TMEM175: variants seen among roughly 807,000 people sequenced by gnomAD.
TMEM175 encodes the protein endosomal/lysosomal proton channel TMEM175.
TMEM175 carries 36 observed loss-of-function variants against 36.5 expected under a neutral mutation model. That is an observed-to-expected ratio of 0.99 (90% confidence interval 0.76 to 1.30). The LOEUF (loss-of-function observed/expected upper bound fraction) is 1.30, where lower values mean the gene tolerates loss of function less well. Among genes scored for constraint, TMEM175 ranks in the 50% most tolerant of loss-of-function variants. TMEM175 has a pLI of 0.00. For synonymous variants in TMEM175, 339 were observed against 313.4 expected (o/e 1.08, Z -0.86); for missense variants, 705 against 692.8 (o/e 1.02, Z -0.20).
chr4:955,782 T>C lies in TMEM175; in HGVS notation c.734T>C (p.Val245Ala). 6.2e-7 allele frequency: 1 copy of C among 1,613,564 alleles called. No homozygotes were observed. Among genetic ancestry groups the C allele is most frequent in the African/African-American group, 1.3e-5 (1 of 75,012 alleles). ...CACAGGGAGCCCTCGGCTCACCCAG[T>C]GGAAGTCTTCTCGTTTGACCTCCAC... ...LGHREPSAHP[V>A]EVFSFDLHEP... Residue 245 changes from valine (V) to alanine (A), a missense_variant, in exon 10 of 11, where the codon GTG becomes GCG. Val to Ala is a moderately conservative substitution (Grantham distance 64, BLOSUM62 0). Coordinates refer to ENST00000264771, the MANE Select transcript of TMEM175 (RefSeq NM_032326.4).
At position 952,408 on chromosome 4, in the gene TMEM175, C is replaced by A; in HGVS notation, c.420C>A (p.Ile140=). The change falls in exon 7 of 11, where the codon ATC becomes ATA. Residue 140 remains isoleucine, a synonymous_variant. Transcript: ENST00000264771. ...MVTFPDVPLG[I]FLFCVCVIAI... The stretch of plus-strand genomic sequence containing the variant: ...CCTTCCCTGATGTGCCTCTGGGCAT[C>A]TTCTTGTTCTGTGTGTGTGTGATCG... 1 of 1,611,200 alleles carries A rather than the reference C, an allele frequency of 6.2e-7. No individual in the cohort carries two copies.
rs1346942839 is a variant in TMEM175 at position 947,702 on chromosome 4, C to T, written c.-31-7C>T. On this transcript the variant is annotated splice_polypyrimidine_tract_variant and splice_region_variant and intron_variant, in intron 1 of 10. Coordinates refer to ENST00000264771, the MANE Select transcript of TMEM175 (RefSeq NM_032326.4). ...ACAGGCACACTCAGACCTGCCTTTC[C>T]TCCCAGGCTCCTGTAACCGCCAGGC... 2 of 1,569,736 alleles carry T rather than the reference C, an allele frequency of 1.3e-6. No homozygotes were observed. The highest frequency in any genetic ancestry group is 4.5e-5 in the East Asian group (2 of 44,552).
intron 1 of TMEM175, chr4:946,046 A>C (rs1168404586): frequency 6.6e-6 from 1 of 152,298 alleles, no homozygotes; most frequent in African/African-American, 2.4e-5. Flanking sequence ...TGTCCCAGGA[A>C]ACAAGCCTGA....
chr4:956,103 AGC>A (rs1271569945), intron 10 of TMEM175, among the ~76,000 whole-genome samples: 32 of 151,162 alleles, frequency 2.1e-4, no homozygotes, highest in Admixed American at 4.6e-4. Context: ...CTCCCTTCCC[AGC>A]GGCTCCCACC....
chr4:950,421 CA>C lies in TMEM175; in HGVS notation c.194del (p.Gln65ArgfsTer18). The C allele has an allele frequency of 6.2e-7, 1 of 1,611,872 alleles. No individual in the cohort carries two copies. The highest frequency in any genetic ancestry group is 1.1e-5 in the South Asian group (1 of 91,040). ...TGACAGCAGTGCTCTTGTATTCCAG[CA>C]GTTCGACAGAAGTGTACAGAGGCTT... ...VTHTEISPEQ[Q>X]FDRSVQRLLA... On this transcript the variant is annotated frameshift_variant and splice_region_variant, in exon 4 of 11. Transcript: ENST00000264771. LOFTEE classifies it high-confidence loss of function.
chr4:955,981 A>T (rs1416412787), intron 10 of TMEM175, 91 bp downstream of exon 10: 2 of 1,484,910 alleles, frequency 1.3e-6, no homozygotes, highest in Middle Eastern at 1.8e-4. Context: ...AGAAAGGCAC[A>T]GGGGTCTTGG....
intron 1 of TMEM175, among the ~76,000 whole-genome samples, chr4:941,305 G>C (rs537305286): frequency 6.7e-5 from 10 of 148,310 alleles, no homozygotes; most frequent in Non-Finnish European, 1.0e-4. Context: ...AAACCCAGGA[G>C]GCAGAGGTTG....
In TMEM175 at chr4:955,831, G is replaced by A. The variant is rs1729550962; in HGVS notation, c.783G>A (p.Val261=). The part of the protein sequence containing the change: ...DLHEPLSKER[V]EAFSDGVYAI... ...ACGAGCCACTCAGCAAGGAGCGCGT[G>A]GAAGCCTTCAGCGACGGAGTCTACG... Residue 261 remains valine (V), a synonymous_variant, in exon 10 of 11, where the codon GTG becomes GTA. Transcript: ENST00000264771. The A allele has an allele frequency of 6.2e-7, 1 of 1,614,078 alleles. No homozygotes were observed. The highest frequency in any genetic ancestry group is 1.1e-5 in the South Asian group (1 of 91,088).
At chr4:943,750 T>C (rs532169369) in intron 1 of TMEM175, among the ~76,000 whole-genome samples, 86 of 152,340 alleles carry the variant, frequency 5.6e-4, no homozygotes, top group African/African-American at 2.0e-3. Context: ...TGAAAACATG[T>C]TTACACAAAT....
Position 947,903 on chromosome 4 carries a change from G to C in TMEM175, c.153+11G>C. On this transcript the variant is annotated intron_variant, in intron 2 of 10. Coordinates refer to ENST00000264771, the MANE Select transcript of TMEM175 (RefSeq NM_032326.4). ...ATCGCCACCGTCATGGTCTGTACGG[G>C]GCCCCTGCTTAGGCCTGCCCCACCC... 1 of 1,613,820 alleles carries C rather than the reference G, an allele frequency of 6.2e-7. No individual in the cohort carries two copies. The highest frequency in any genetic ancestry group is 8.5e-7 in the Non-Finnish European group (1 of 1,180,004).
In TMEM175 at chr4:950,516, AAGGTGGGGG is replaced by A. The variant is rs747121871; in HGVS notation, c.289_290+7del. ...TGACAGTGGCCTGGGCAGCACACAC[AAGGTGGGGG>A]CCCGGGCGCTTCCAGCGGTCCATAG... On this transcript the variant is annotated splice_donor_variant and splice_donor_5th_base_variant and coding_sequence_variant and intron_variant, in exon 4 of 11. Coordinates refer to ENST00000264771, the MANE Select transcript of TMEM175 (RefSeq NM_032326.4). LOFTEE classifies it high-confidence loss of function. 2.5e-6 allele frequency: 4 copies of A among 1,613,234 alleles called. No homozygotes were observed. The highest frequency in any genetic ancestry group is 3.4e-6 in the Non-Finnish European group (4 of 1,179,490).
chr4:945,241 C>T (rs1727990296), intron 1 of TMEM175, among the ~76,000 whole-genome samples: 1 of 150,266 alleles, frequency 6.7e-6, no homozygotes, highest in Non-Finnish European at 1.5e-5. Context: ...TAAACTGTCG[C>T]TGAAACACAC....
chr4:942,301 G>A (rs1349253935), intron 1 of TMEM175, among the ~76,000 whole-genome samples: 1 of 152,100 alleles, frequency 6.6e-6, no homozygotes, highest in Non-Finnish European at 1.5e-5. Flanking sequence ...TCCTGACCTT[G>A]TGATCCGCCT....
chr4:953,773 C>T (rs1729268352), intron 8 of TMEM175, among the ~76,000 whole-genome samples: 1 of 152,248 alleles, frequency 6.6e-6, no homozygotes, highest in South Asian at 2.1e-4. Flanking sequence ...ACAGCCTCGA[C>T]CTCCCGGGCT....
chr4:933,528 A>G (rs1002332516), intron 1 of TMEM175, among the ~76,000 whole-genome samples: 2 of 152,120 alleles, frequency 1.3e-5, no homozygotes, highest in East Asian at 3.8e-4. Context: ...TTAAAAACCT[A>G]GTTTTCCAGC....
chr4:939,943 A>C (rs535250871), intron 1 of TMEM175, among the ~76,000 whole-genome samples: 4 of 152,230 alleles, frequency 2.6e-5, no homozygotes, highest in Non-Finnish European at 4.4e-5. Flanking sequence ...TGTTGAAAAT[A>C]GCCCATATGA....
chr4:944,975 C>T (rs183116479), intron 1 of TMEM175, among the ~76,000 whole-genome samples: 1 of 152,160 alleles, frequency 6.6e-6, no homozygotes, highest in Admixed American at 6.5e-5. Context: ...TGGTGGTGCA[C>T]GCCTGTAGTC....
At position 941,439 on chromosome 4, in the gene TMEM175, C is replaced by CT. The variant is rs1228124580; in HGVS notation, c.-31-6256dup. 4.5e-3 allele frequency among the ~76,000 whole-genome samples: 587 copies of CT among 131,580 alleles called. 2 individuals carry two copies. Among genetic ancestry groups the CT allele is most frequent in the Non-Finnish European group, 6.8e-3 (414 of 60,878 alleles). The allele number at this position is 131,580 out of a possible 152,430, so 86.3% of individuals were successfully genotyped here. A position where few individuals can be genotyped will look rare whatever the true frequency, so the allele number is the denominator to read the frequency against. On this transcript the variant is annotated intron_variant, in intron 1 of 10. Transcript: ENST00000264771. ...ACTCTGTACTTTCTGCTCTATTTTTCTTTTTTTTTTTTTTCTTGAGATGGA... is the reference window on the plus strand; with the variant it reads ...ACTCTGTACTTTCTGCTCTATTTTTCTTTTTTTTTTTTTTTCTTGAGATGGA...
chr4:942,686 A>G (rs1339375572), intron 1 of TMEM175, among the ~76,000 whole-genome samples: 1 of 145,752 alleles, frequency 6.9e-6, no homozygotes, highest in Non-Finnish European at 1.5e-5. Flanking sequence ...GTCACCCAGG[A>G]TGGCGTACAG....
Sources: allele counts gnomAD v4.1 joint callset (sites outside exome capture counted in the v4.1 genomes callset), GRCh38; gene constraint gnomAD v4.1.1; transcripts MANE v1.5; gene names NCBI Gene and HGNC (gene_info 2026-07-23, HGNC 2026-07-21).